TTC34: variants seen among roughly 807,000 people sequenced by gnomAD.
TTC34 encodes the protein tetratricopeptide repeat protein 34.
TTC34 carries 44 observed loss-of-function variants against 40.7 expected under a neutral mutation model. The observed-to-expected ratio is 1.08, with a 90% CI of 0.85 to 1.39. TTC34 has a LOEUF of 1.39. TTC34 is among the 40% of genes most tolerant of loss of function. The pLI is 0.00. For synonymous variants in TTC34, 422 were observed against 398.6 expected (o/e 1.06, Z -0.70); for missense variants, 884 against 838.0 (o/e 1.05, Z -0.68).
intron 6 of TTC34, among the ~76,000 whole-genome samples, chr1:2,686,993 A>G (rs1416585038): frequency 1.3e-4 from 19 of 146,110 alleles, no homozygotes; most frequent in Non-Finnish European, 2.3e-4. Context: ...AGCCTGGAAA[A>G]GCACCCACAC....
intron 6 of TTC34, among the ~76,000 whole-genome samples, chr1:2,685,570 T>C (rs1461878026): frequency 9.2e-3 from 157 of 17,064 alleles, no homozygotes; most frequent in Admixed American, 0.017. Flanking sequence ...CCCAGGCGAG[T>C]ATCTGTACGC....
chr1:2,655,933 A>G (rs1639328017), intron 6 of TTC34, among the ~76,000 whole-genome samples: 5 of 152,076 alleles, frequency 3.3e-5, no homozygotes, highest in African/African-American at 9.7e-5. Flanking sequence ...CAGCACCCAC[A>G]GCCCAAGGTG....
intron 6 of TTC34, among the ~76,000 whole-genome samples, chr1:2,699,634 G>A (rs1475078884): frequency 1.3e-5 from 1 of 79,708 alleles, no homozygotes; most frequent in African/African-American, 3.6e-5. Flanking sequence ...GCATCTGACA[G>A]CCTGGTGAAG....
rs1643712801 is a variant in TTC34 at position 2,796,701 on chromosome 1, C to T, written c.784+3343G>A. On this transcript the variant is annotated intron_variant, in intron 2 of 8. Coordinates refer to ENST00000401095, the Ensembl canonical transcript of TTC34. The surrounding 1 kb of genome is among the most constrained non-coding windows in gnomAD (Gnocchi z 4.5). ...GCCCCCTTGCTGTGGGCATGGTCCTCACCAGCCCCTGAGTGCCTGTGCTCT... is the reference window on the plus strand; with the variant it reads ...GCCCCCTTGCTGTGGGCATGGTCCTTACCAGCCCCTGAGTGCCTGTGCTCT... 6.6e-6 allele frequency among the ~76,000 whole-genome samples: 1 copy of T among 152,210 alleles called. No homozygotes were observed. Among genetic ancestry groups the T allele is most frequent in the Admixed American group, 6.5e-5 (1 of 15,282 alleles).
At chr1:2,691,265 C>A (rs1312570790) in intron 6 of TTC34, among the ~76,000 whole-genome samples, 2 of 81,480 alleles carry the variant, frequency 2.5e-5, no homozygotes, top group African/African-American at 3.9e-5. Flanking sequence ...CCCACACCCC[C>A]AGGTGAGAAT....
At chr1:2,695,798 C>A (rs1260520552) in intron 6 of TTC34, among the ~76,000 whole-genome samples, 264 of 124,522 alleles carry the variant, frequency 2.1e-3, no homozygotes, top group South Asian at 4.3e-3. Context: ...ACGCACACCC[C>A]CAGTTGAGCA....
At chr1:2,647,934 T>C (rs1639053000) in intron 6 of TTC34, among the ~76,000 whole-genome samples, 1 of 152,226 alleles carries the variant, frequency 6.6e-6, no homozygotes, top group African/African-American at 2.4e-5. Flanking sequence ...TCTGCTGTTG[T>C]GCCTGCCTAG....
chr1:2,769,549 C>T (rs1399455691), intron 6 of TTC34, among the ~76,000 whole-genome samples: 1 of 128,642 alleles, frequency 7.8e-6, no homozygotes, highest in Admixed American at 7.6e-5. Flanking sequence ...CACCCCACAC[C>T]TCCAGGGGAG....
chr1:2,760,510 G>T lies in TTC34; in HGVS notation c.2226+23099C>A, dbSNP rs1214308350. ...CCGCAGGTGAGCATCTGACAGCCTG[G>T]AGCAGCACCCACACCCCCAGGTGAG... On this transcript the variant is annotated intron_variant, in intron 6 of 8. Transcript: ENST00000401095. Among the ~76,000 whole-genome samples, 4 of 51,786 alleles carry T rather than the reference G, an allele frequency of 7.7e-5. 2 individuals are homozygous for T. The highest frequency in any genetic ancestry group is 6.0e-5 in the Non-Finnish European group (2 of 33,580). 34.0% of individuals were successfully genotyped at this position (51,786 alleles called of 152,430 possible).
exon 9 of TTC34, chr1:2,638,353 G>T (rs1248390780): frequency 6.6e-6 from 1 of 152,208 alleles, no homozygotes; most frequent in Non-Finnish European, 1.5e-5. Flanking sequence ...ACTTACTAGA[G>T]ATTCTGAATT....
At chr1:2,695,514 AC>A (rs1168977208) in intron 6 of TTC34, among the ~76,000 whole-genome samples, 1 of 49,876 alleles carries the variant, frequency 2.0e-5, no homozygotes, top group Non-Finnish European at 4.4e-5. Flanking sequence ...GAGCAACCAC[AC>A]CCCCAGGCGA....
At chr1:2,799,178 C>T (rs974846141) in intron 2 of TTC34, among the ~76,000 whole-genome samples, 3 of 152,024 alleles carry the variant, frequency 2.0e-5, no homozygotes, top group African/African-American at 4.8e-5. Context: ...TCCCAGCCTC[C>T]CAGCAGGTCT....
chr1:2,775,564 G>T (rs538168015), intron 6 of TTC34: 2,924 of 148,292 alleles, frequency 0.02, 99 homozygotes, highest in Non-Finnish European at 0.027. Context: ...CCCAAGGTGG[G>T]CATCCGATGG....
At chr1:2,650,783 C>T (rs1047754515) in intron 6 of TTC34, among the ~76,000 whole-genome samples, 1 of 149,424 alleles carries the variant, frequency 6.7e-6, no homozygotes, top group Non-Finnish European at 1.5e-5. Context: ...TCAGCTCTCC[C>T]CCATGCAAGG....
intron 6 of TTC34, among the ~76,000 whole-genome samples, chr1:2,686,555 C>G (rs1250387103): frequency 4.8e-5 from 7 of 145,802 alleles, no homozygotes; most frequent in East Asian, 2.0e-4. Flanking sequence ...TGGAACAGCA[C>G]GCACACACCC....
intron 2 of TTC34, among the ~76,000 whole-genome samples, chr1:2,798,852 A>G (rs1643740423): frequency 8.8e-6 from 1 of 113,934 alleles, no homozygotes; most frequent in Non-Finnish European, 1.7e-5. Flanking sequence ...TCAGCCTCCA[A>G]GCCTCCCAGC....
intron 6 of TTC34, among the ~76,000 whole-genome samples, chr1:2,699,538 A>G (rs1569654353): frequency 3.0e-5 from 4 of 132,414 alleles, no homozygotes; most frequent in Admixed American, 8.1e-5. Context: ...CCACATCCCC[A>G]GGTGAGCATC....
chr1:2,685,822 T>G (rs547479562), intron 6 of TTC34, among the ~76,000 whole-genome samples: 1 of 147,068 alleles, frequency 6.8e-6, no homozygotes, highest in African/African-American at 2.5e-5. Flanking sequence ...TCTGACAGAC[T>G]GGAACGGCAC....
In TTC34 at chr1:2,650,728, G is replaced by A. The variant is rs112535418; in HGVS notation, c.2227-5165C>T. On this transcript the variant is annotated intron_variant, in intron 6 of 8. Coordinates refer to ENST00000401095, the Ensembl canonical transcript of TTC34. ...CACCCACAGATGAGACTCTGACAAC[G>A]TAGAATGTCACCCTGACCCCCAGGT... Among the ~76,000 whole-genome samples, 346 of 146,724 alleles carry A rather than the reference G, an allele frequency of 2.4e-3. 2 individuals are homozygous for A. The highest frequency in any genetic ancestry group is 8.3e-3 in the African/African-American group (327 of 39,318).
Sources: allele counts gnomAD v4.1 joint callset (sites outside exome capture counted in the v4.1 genomes callset), GRCh38; gene constraint gnomAD v4.1.1; non-coding constraint Gnocchi (gnomAD v3.1); transcripts MANE v1.5; gene names NCBI Gene and HGNC (gene_info 2026-07-23, HGNC 2026-07-21).